Variants in EPHB2 observed in about 807,000 individuals in gnomAD.
EPHB2 encodes EPH receptor B2.
In EPHB2, 18 loss-of-function variants were observed where a neutral mutation model predicts 96.4. That is an observed-to-expected ratio of 0.19 (90% CI 0.13 to 0.28). The LOEUF is 0.28. Among genes scored for constraint, EPHB2 ranks in the 10% least tolerant of loss-of-function variants. The pLI is 1.00. For synonymous variants in EPHB2, 506 were observed against 534.1 expected (o/e 0.95, Z 0.72); for missense variants, 989 against 1,355.4 (o/e 0.73, Z 4.25).
chr1:22,747,149 G>C (rs1213905517), intron 1 of EPHB2, among the ~76,000 whole-genome samples: 1 of 152,172 alleles, frequency 6.6e-6, no homozygotes, highest in Non-Finnish European at 1.5e-5. Flanking sequence ...GGCAAACAGG[G>C]AGAACTGCCT....
chr1:22,799,069 A>AT (rs1644806355), intron 3 of EPHB2, among the ~76,000 whole-genome samples: 1 of 152,126 alleles, frequency 6.6e-6, no homozygotes, highest in Non-Finnish European at 1.5e-5. Context: ...GGGTGCATTG[A>AT]TTGAATAGTG....
In EPHB2 at chr1:22,864,954, G is replaced by A. The variant is rs368529651; in HGVS notation, c.1045G>A (p.Asp349Asn). 1.3e-5 allele frequency: 21 copies of A among 1,603,652 alleles called. No individual in the cohort carries two copies. Among genetic ancestry groups the A allele is most frequent in the South Asian group, 2.2e-5 (2 of 89,596 alleles). The change falls in exon 5 of 16, where the codon GAC (aspartate) becomes AAC (asparagine). Residue 349 changes from aspartate (D) to asparagine (N), a missense_variant. Coordinates refer to ENST00000374630, the MANE Select transcript of EPHB2 (RefSeq NM_017449.5). ...CATGCTGGAGTGGACCCCTCCCCGC[G>A]ACTCCGGAGGCCGAGAGGACCTCGT... Reference protein sequence around the residue: ...SLMLEWTPPRDSGGREDLVYN... With the variant: ...SLMLEWTPPRNSGGREDLVYN...
rs969837449 is a variant in EPHB2 at position 22,764,230 on chromosome 1, G to A, written c.62-17191G>A. Among the ~76,000 whole-genome samples, 6 of 152,152 alleles carry A rather than the reference G, an allele frequency of 3.9e-5. 1 individual carries two copies. Among genetic ancestry groups the A allele is most frequent in the Admixed American group, 3.3e-4 (5 of 15,280 alleles). ...TGATAATAACAATATCATAACATCC[G>A]CTTATTGAGTGATTGCTTTGTGTTA... On this transcript the variant is annotated intron_variant, in intron 1 of 15. Coordinates refer to ENST00000374630, the MANE Select transcript of EPHB2 (RefSeq NM_017449.5).
At chr1:22,722,733 A>C (rs1310083229) in intron 1 of EPHB2, among the ~76,000 whole-genome samples, 1 of 152,178 alleles carries the variant, frequency 6.6e-6, no homozygotes, top group Non-Finnish European at 1.5e-5. Flanking sequence ...GTGGTCTTAG[A>C]CTAGAACCAT....
Position 22,886,730 on chromosome 1 carries a change from G to A in EPHB2, c.1428+4247G>A, listed in dbSNP as rs562918977. Among the ~76,000 whole-genome samples the A allele has an allele frequency of 1.4e-4, 21 of 149,800 alleles. No individual in the cohort carries two copies. In the East Asian group the frequency reaches 4.0e-3, roughly 28 times the overall value. On this transcript the variant is annotated intron_variant, in intron 6 of 15. Coordinates refer to ENST00000374630, the MANE Select transcript of EPHB2 (RefSeq NM_017449.5). ...CAACCTCTGCCTCCCGGATTCAAGC[G>A]ATTCTCCTGCCTCAGCCTTGCAAGT...
chr1:22,813,736 G>T (rs1006012455), intron 3 of EPHB2, among the ~76,000 whole-genome samples: 2 of 152,228 alleles, frequency 1.3e-5, no homozygotes, highest in African/African-American at 4.8e-5. Context: ...GCAAAATGGG[G>T]GCTACAATGA....
intron 1 of EPHB2, among the ~76,000 whole-genome samples, chr1:22,773,766 T>C (rs1470503130): frequency 6.6e-6 from 1 of 152,182 alleles, no homozygotes; most frequent in Non-Finnish European, 1.5e-5. Flanking sequence ...CCCTGTCCTG[T>C]GCTACCATCT....
At chr1:22,894,062 C>T (rs771384598) in intron 7 of EPHB2, among the ~76,000 whole-genome samples, 4 of 152,226 alleles carry the variant, frequency 2.6e-5, no homozygotes, top group Non-Finnish European at 4.4e-5. Context: ...ACCATCTCTT[C>T]CAGCACTCAC....
chr1:22,784,571 C>A lies in EPHB2; in HGVS notation c.306C>A (p.Ser102Arg). Residue 102 changes from serine (S) to arginine (R), a missense_variant, in exon 3 of 16, where the codon AGC becomes AGA. Ser to Arg is a moderately radical substitution (Grantham distance 110, BLOSUM62 -1). Coordinates refer to ENST00000374630, the MANE Select transcript of EPHB2 (RefSeq NM_017449.5). This position sits in a 1 kb window ranked among gnomAD's most constrained non-coding sequence, Gnocchi z 5.1. ...TGCGTGACTGCAGCAGCATCCCCAG[C>A]GTGCCTGGCTCCTGCAAGGAGACCT... ...FSVRDCSSIP[S>R]VPGSCKETFN... 1 of 1,614,176 alleles carries A rather than the reference C, an allele frequency of 6.2e-7. No individual in the cohort carries two copies. The highest frequency in any genetic ancestry group is 8.5e-7 in the Non-Finnish European group (1 of 1,180,026).
chr1:22,740,004 AGAGAAACCAGGCGCT>A (rs1397029366), intron 1 of EPHB2, among the ~76,000 whole-genome samples: 1 of 152,208 alleles, frequency 6.6e-6, no homozygotes, highest in African/African-American at 2.4e-5. Context: ...ATAAATCCTT[AGAGAAACCAGGCGCT>A]GAGGCAGGGA....
chr1:22,842,036 A>T (rs1221471704), intron 3 of EPHB2, among the ~76,000 whole-genome samples: 1 of 152,080 alleles, frequency 6.6e-6, no homozygotes, highest in Non-Finnish European at 1.5e-5. Context: ...CAGCTGGAGG[A>T]GCCACATGCC....
Position 22,748,338 on chromosome 1 carries a change from G to A in EPHB2, c.62-33083G>A, listed in dbSNP as rs143787383. On this transcript the variant is annotated intron_variant, in intron 1 of 15. Transcript: ENST00000374630. ...TTGTTTCCTAATTAGGTTCATGGAA[G>A]AATGATCTTTCCCTTACCTCAAGGG... Among the ~76,000 whole-genome samples the A allele has an allele frequency of 2.4e-3, 369 of 151,478 alleles. 2 individuals carry two copies. The highest frequency in any genetic ancestry group is 8.6e-3 in the African/African-American group (356 of 41,290).
Position 22,733,053 on chromosome 1 carries a change from C to A in EPHB2, c.61+22010C>A, listed in dbSNP as rs1643751893. On this transcript the variant is annotated intron_variant, in intron 1 of 15. Coordinates refer to ENST00000374630, the MANE Select transcript of EPHB2 (RefSeq NM_017449.5). This position sits in a 1 kb window ranked among gnomAD's most constrained non-coding sequence, Gnocchi z 4.6. Reference sequence around the variant, plus strand: ...CCTCCTAGGCTGCCTTTCTTTCTTTCTTTCTTTCTTTTTTTTTGGAGTTTC... The same window carrying A: ...CCTCCTAGGCTGCCTTTCTTTCTTTATTTCTTTCTTTTTTTTTGGAGTTTC... Among the ~76,000 whole-genome samples, 1 of 151,964 alleles carries A rather than the reference C, an allele frequency of 6.6e-6. No homozygotes were observed. The highest frequency in any genetic ancestry group is 2.1e-4 in the South Asian group (1 of 4,820).
At chr1:22,896,565 C>A in intron 9 of EPHB2, 87 bp downstream of exon 9, 1 of 1,539,992 alleles carries the variant, frequency 6.5e-7, no homozygotes, top group Non-Finnish European at 8.9e-7. Context: ...TGACCTCCTT[C>A]TGCCATGCTG....
In EPHB2 at chr1:22,722,186, G is replaced by A. The variant is rs987973010; in HGVS notation, c.61+11143G>A. 3.3e-5 allele frequency among the ~76,000 whole-genome samples: 5 copies of A among 151,570 alleles called. No homozygotes were observed. The East Asian group carries it at 5.9e-4, about 18-fold the overall frequency. On this transcript the variant is annotated intron_variant, in intron 1 of 15. Transcript: ENST00000374630. ...TTTTTTTTTTCTTTTTGGTAGAGAC[G>A]GAGTCTTGCCATGTTGGCCAGGCTG...
chr1:22,862,903 G>T, intron 3 of EPHB2, 134 bp from the exon 4 acceptor site: 1 of 1,200,226 alleles, frequency 8.3e-7, no homozygotes, highest in South Asian at 1.2e-5. Flanking sequence ...CCCTTCAAGA[G>T]ATGAGATTTT....
intron 3 of EPHB2, among the ~76,000 whole-genome samples, chr1:22,788,261 G>A (rs1315815917): frequency 6.6e-6 from 1 of 152,190 alleles, no homozygotes; most frequent in Non-Finnish European, 1.5e-5. Flanking sequence ...GGTGGGGCAG[G>A]GTTAAGGTGT....
chr1:22,712,621 T>G (rs1357383864), intron 1 of EPHB2, among the ~76,000 whole-genome samples: 1 of 152,218 alleles, frequency 6.6e-6, no homozygotes, highest in African/African-American at 2.4e-5. Flanking sequence ...TTTCTGGCAC[T>G]GAGGCAGCTG....
At chr1:22,788,747 G>GTTTTTTTTTTTTTTTTTTTTTTTTTT (rs1302258024) in intron 3 of EPHB2, among the ~76,000 whole-genome samples, 2 of 90,692 alleles carry the variant, frequency 2.2e-5, no homozygotes, top group African/African-American at 7.9e-5. Flanking sequence ...TTTGTCTTTT[G>GTTTTTTTTTTTTTTTTTTTTTTTTTT]TTTTTGTTTT....
Sources: allele counts gnomAD v4.1 joint callset (sites outside exome capture counted in the v4.1 genomes callset), GRCh38; gene constraint gnomAD v4.1.1; non-coding constraint Gnocchi (gnomAD v3.1); transcripts MANE v1.5; gene names NCBI Gene and HGNC (gene_info 2026-07-23, HGNC 2026-07-21).